The following PPFIA2 variants were observed in gnomAD, a reference collection of about 807,000 sequenced individuals.
PPFIA2 encodes liprin-alpha-2.
In PPFIA2, 46 loss-of-function variants were observed where a neutral mutation model predicts 175.5. That is an observed-to-expected ratio of 0.26 (90% CI 0.21 to 0.34). PPFIA2 has a LOEUF of 0.34. PPFIA2 is among the 10% of genes least tolerant of loss of function. PPFIA2 has a pLI of 1.00. For synonymous variants in PPFIA2, 568 were observed against 511.4 expected (o/e 1.11, Z -1.49); for missense variants, 1,179 against 1,506.1 (o/e 0.78, Z 3.60).
At position 81,280,317 on chromosome 12, in the gene PPFIA2, T is replaced by G. The variant is rs532371961; in HGVS notation, c.3212+940A>C. On this transcript the variant is annotated intron_variant, in intron 27 of 32. Transcript: ENST00000549396. ...GGGTTTTTTAAAAAACACTGTTATA[T>G]TTATCTTTACCACATTTAATTCAAC... Among the ~76,000 whole-genome samples, 33 of 152,318 alleles carry G rather than the reference T, an allele frequency of 2.2e-4. No individual in the cohort carries two copies. In the South Asian group the frequency reaches 6.4e-3, roughly 30 times the overall value.
At chr12:81,465,058 T>C (rs910477990) in intron 4 of PPFIA2, among the ~76,000 whole-genome samples, 2 of 152,108 alleles carry the variant, frequency 1.3e-5, no homozygotes, top group African/African-American at 4.8e-5. Context: ...AGCTGCATGG[T>C]AAGAGGAAAA....
At chr12:81,464,818 C>T (rs551870402) in intron 4 of PPFIA2, among the ~76,000 whole-genome samples, 2 of 149,034 alleles carry the variant, frequency 1.3e-5, no homozygotes, top group Non-Finnish European at 3.0e-5. Flanking sequence ...ACAGAGCATT[C>T]TATTTTTATA....
intron 4 of PPFIA2, among the ~76,000 whole-genome samples, chr12:81,537,905 G>A (rs930766996): frequency 3.0e-4 from 46 of 151,852 alleles, no homozygotes; most frequent in African/African-American, 8.9e-4. Flanking sequence ...TGCCTTCCCC[G>A]CAATCTTTTG....
At chr12:81,625,980 A>G (rs1030471389) in intron 4 of PPFIA2, among the ~76,000 whole-genome samples, 1 of 151,262 alleles carries the variant, frequency 6.6e-6, no homozygotes, top group African/African-American at 2.4e-5. Flanking sequence ...AATAACAAAA[A>G]TTGTCACATT....
rs1921050 is a variant in PPFIA2 at position 81,312,762 on chromosome 12, G to T, written c.2642+13015C>A. 3.3e-5 allele frequency among the ~76,000 whole-genome samples: 5 copies of T among 152,252 alleles called. No homozygotes were observed. The East Asian group carries it at 9.7e-4, about 29-fold the overall frequency. ...CTTCAATTTCCTCAACACAATCCCT[G>T]GCAATAGAAATGTGTAAAGTCCATT... On this transcript the variant is annotated intron_variant, in intron 22 of 32. Coordinates refer to ENST00000549396, the MANE Select transcript of PPFIA2 (RefSeq NM_003625.5).
intron 4 of PPFIA2, among the ~76,000 whole-genome samples, chr12:81,469,497 G>C (rs2056352191): frequency 6.6e-6 from 1 of 152,218 alleles, no homozygotes; most frequent in Non-Finnish European, 1.5e-5. Context: ...AAGATGAAAT[G>C]TGAAAAATGA....
At chr12:81,311,544 T>G (rs962602624) in intron 22 of PPFIA2, among the ~76,000 whole-genome samples, 1 of 151,684 alleles carries the variant, frequency 6.6e-6, no homozygotes, top group African/African-American at 2.4e-5. Context: ...CCATCCTGAC[T>G]AACACGGTGA....
At chr12:81,394,406 C>T (rs920124418) in intron 8 of PPFIA2, among the ~76,000 whole-genome samples, 5 of 151,698 alleles carry the variant, frequency 3.3e-5, no homozygotes, top group African/African-American at 1.2e-4. Context: ...TCAAGTACAA[C>T]AGAGTTTAAT....
At chr12:81,315,285 T>C (rs2052060095) in intron 22 of PPFIA2, among the ~76,000 whole-genome samples, 1 of 151,872 alleles carries the variant, frequency 6.6e-6, no homozygotes, top group South Asian at 2.1e-4. Context: ...GCTGTAATTT[T>C]CTCCAACAGC....
At chr12:81,700,338 G>A (rs1248059297) in intron 3 of PPFIA2, among the ~76,000 whole-genome samples, 2 of 151,914 alleles carry the variant, frequency 1.3e-5, no homozygotes, top group Non-Finnish European at 2.9e-5. Flanking sequence ...CTAATCAAAT[G>A]CAGAGTTCTA....
intron 5 of PPFIA2, among the ~76,000 whole-genome samples, chr12:81,454,401 A>G (rs1369694575): frequency 6.6e-6 from 1 of 152,168 alleles, no homozygotes; most frequent in Non-Finnish European, 1.5e-5. Context: ...AGCCATTTAT[A>G]GGCCTGGGAC....
chr12:81,653,268 T>C (rs1054713062), intron 4 of PPFIA2, among the ~76,000 whole-genome samples: 2 of 152,146 alleles, frequency 1.3e-5, no homozygotes, highest in Middle Eastern at 3.2e-3. Context: ...CTACAGGACC[T>C]AGCATGATTA....
chr12:81,611,352 G>C (rs538443050), intron 4 of PPFIA2, among the ~76,000 whole-genome samples: 2 of 152,268 alleles, frequency 1.3e-5, no homozygotes, highest in African/African-American at 4.8e-5. Flanking sequence ...CTGAGCTGGG[G>C]TTTCCTCTCC....
intron 4 of PPFIA2, among the ~76,000 whole-genome samples, chr12:81,659,280 G>A (rs775998411): frequency 8.0e-4 from 122 of 152,290 alleles, no homozygotes; most frequent in Admixed American, 2.0e-3. Context: ...CCTCACCCGG[G>A]AAGCGCAAGG....
intron 8 of PPFIA2, among the ~76,000 whole-genome samples, chr12:81,404,986 C>A (rs2042681662): frequency 6.6e-6 from 1 of 152,152 alleles, no homozygotes; most frequent in Non-Finnish European, 1.5e-5. Flanking sequence ...TTGTTACAGG[C>A]AAATGATTCT....
intron 3 of PPFIA2, among the ~76,000 whole-genome samples, chr12:81,736,266 A>AT (rs2081561909): frequency 6.6e-6 from 1 of 151,914 alleles, no homozygotes; most frequent in South Asian, 2.1e-4. Flanking sequence ...CCTTGCATGT[A>AT]TTTTGTTTAA....
At chr12:81,529,229 G>T (rs2064147890) in intron 4 of PPFIA2, among the ~76,000 whole-genome samples, 1 of 151,770 alleles carries the variant, frequency 6.6e-6, no homozygotes, top group Non-Finnish European at 1.5e-5. Context: ...TACAAAATAT[G>T]TACTTTTCTG....
At chr12:81,441,516 G>C (rs903745255) in intron 6 of PPFIA2, among the ~76,000 whole-genome samples, 1 of 152,050 alleles carries the variant, frequency 6.6e-6, no homozygotes. Flanking sequence ...TATCATTCCT[G>C]TTAGACAAAT....
chr12:81,670,456 T>C (rs2071195627), intron 4 of PPFIA2, among the ~76,000 whole-genome samples: 1 of 151,878 alleles, frequency 6.6e-6, no homozygotes, highest in African/African-American at 2.4e-5. Context: ...AATCTGGAAT[T>C]TACTAGTACC....
Sources: gnomAD v4.1 joint callset for allele counts (sites outside exome capture counted in the v4.1 genomes callset) on GRCh38, gnomAD v4.1.1 for gene constraint, MANE v1.5 for transcripts, NCBI Gene and HGNC (gene_info 2026-07-23, HGNC 2026-07-21) for gene names.